KANSL1: variants seen among roughly 807,000 people sequenced by gnomAD.
The protein encoded by KANSL1 is MLL1/MLL complex subunit KANSL1.
In KANSL1, 22 loss-of-function variants were observed where a neutral mutation model predicts 103.6. The ratio of observed to expected loss-of-function variants is 0.21; its 90% CI spans 0.15 to 0.30. The LOEUF (loss-of-function observed/expected upper bound fraction) is 0.30. Ranked by LOEUF, KANSL1 falls within the 10% of genes least tolerant of loss-of-function variation. The pLI is 1.00. For synonymous variants in KANSL1, 600 were observed against 527.6 expected, an observed-to-expected ratio of 1.14 and a Z score of -1.88; for missense variants, 1,337 against 1,399.8, an observed-to-expected ratio of 0.96 and a Z score of 0.72.
chr17:46,033,622 A>T (rs2077071360), intron 11 of KANSL1, 162 bp from the exon 12 acceptor site: 1 of 649,080 alleles, frequency 1.5e-6, no homozygotes, highest in African/African-American at 1.8e-5. Context: ...TACCCTGTCA[A>T]GGCCTGTGAA....
intron 1 of KANSL1, among the ~76,000 whole-genome samples, chr17:46,189,132 G>T (rs2047184690): frequency 6.9e-6 from 1 of 145,498 alleles, no homozygotes; most frequent in Non-Finnish European, 1.5e-5. Context: ...AAGATCACTT[G>T]AGCCCCGGAG....
In KANSL1 at chr17:46,170,840, A is replaced by G. The variant is rs766824331; in HGVS notation, c.1289+15T>C. On this transcript the variant is annotated intron_variant, in intron 2 of 14. Transcript: ENST00000432791. ...ACATTTCTCAAGAATGCTATCATGC[A>G]TGAGGTCTACTCACAGGGGTACATG... 2.5e-6 allele frequency: 4 copies of G among 1,573,658 alleles called. No individual in the cohort carries two copies. The highest frequency in any genetic ancestry group is 3.9e-5 in the Admixed American group (2 of 51,526).
chr17:46,136,472 T>C (rs1225331675), intron 2 of KANSL1, among the ~76,000 whole-genome samples: 1 of 152,198 alleles, frequency 6.6e-6, no homozygotes, highest in Non-Finnish European at 1.5e-5. Context: ...CCCCTACAAA[T>C]GCTAAGGAGT....
At chr17:46,077,681 C>T (rs1030829715) in intron 4 of KANSL1, among the ~76,000 whole-genome samples, 1 of 152,132 alleles carries the variant, frequency 6.6e-6, no homozygotes, top group African/African-American at 2.4e-5. Context: ...CTTCAGCCTC[C>T]CGAGTAGCTG....
chr17:46,066,756 T>A, intron 5 of KANSL1, 24 bp from the exon 6 acceptor site: 1 of 1,546,788 alleles, frequency 6.5e-7, no homozygotes, highest in South Asian at 1.1e-5. Context: ...AGGAAGAGTA[T>A]TCTCAGAACA....
intron 2 of KANSL1, among the ~76,000 whole-genome samples, chr17:46,151,854 T>C (rs1289926212): frequency 6.6e-6 from 1 of 152,250 alleles, no homozygotes; most frequent in Non-Finnish European, 1.5e-5. Context: ...AAGGAAAATC[T>C]ACAGCTTTTC....
chr17:46,107,550 C>T (rs971181444), intron 2 of KANSL1, among the ~76,000 whole-genome samples: 1 of 152,224 alleles, frequency 6.6e-6, no homozygotes, highest in Non-Finnish European at 1.5e-5. Context: ...CCTTGTAAGA[C>T]TGCATATGCG....
upstream of KANSL1, chr17:46,223,926 ACAGTCCCCTTTAGAAAAGGG>A (rs2048606658): frequency 6.6e-6 from 1 of 151,094 alleles, no homozygotes; most frequent in Non-Finnish European, 1.5e-5. Context: ...TATAGAAAAT[ACAGTCCCCTTTAGAAAAGGG>A]CAAATGTGTG....
intron 2 of KANSL1, among the ~76,000 whole-genome samples, chr17:46,142,914 A>G (rs1846067093): frequency 6.6e-6 from 1 of 152,248 alleles, no homozygotes; most frequent in Non-Finnish European, 1.5e-5. Context: ...ACAAAAAGCA[A>G]AGCCTATGTG....
chr17:46,163,660 G>T (rs1271036197), intron 2 of KANSL1, among the ~76,000 whole-genome samples: 1 of 152,188 alleles, frequency 6.6e-6, no homozygotes, highest in Non-Finnish European at 1.5e-5. Context: ...AATGCTTCTG[G>T]TAACCATCTA....
In KANSL1 at chr17:46,104,936, C is replaced by G. The variant is rs369501082; in HGVS notation, c.1290-10235G>C. 1.4e-3 allele frequency among the ~76,000 whole-genome samples: 210 copies of G among 152,270 alleles called. 1 individual carries two copies. The highest frequency in any genetic ancestry group is 5.0e-3 in the African/African-American group (207 of 41,554). ...GTTCAAGCGAATCTCCTGCCTCAGC[C>G]TCCCAAGTAGCTGGGATTACAGGTG... is the stretch of plus-strand genomic sequence containing the variant. On this transcript the variant is annotated intron_variant, in intron 2 of 14. Coordinates refer to ENST00000432791, the MANE Select transcript of KANSL1 (RefSeq NM_015443.4).
At chr17:46,074,695 G>A (rs555153906) in intron 4 of KANSL1, among the ~76,000 whole-genome samples, 23 of 151,944 alleles carry the variant, frequency 1.5e-4, no homozygotes, top group Non-Finnish European at 2.4e-4. Flanking sequence ...CTGAGCCAGG[G>A]AGGTGAAGGC....
At chr17:46,094,385 C>G in intron 3 of KANSL1, 175 bp downstream of exon 3, 1 of 765,610 alleles carries the variant, frequency 1.3e-6, no homozygotes, top group East Asian at 3.0e-5. Context: ...GAGTGAGCCA[C>G]CACGCGCAGC....
chr17:46,095,813 C>A (rs62061795), intron 2 of KANSL1, among the ~76,000 whole-genome samples: 21,691 of 151,888 alleles, frequency 0.14, 2,119 homozygotes, highest in Non-Finnish European at 0.22. Flanking sequence ...TGTAACAGAA[C>A]TCTCAGAAAT....
intron 3 of KANSL1, chr17:46,094,100 G>C (rs1448663477): frequency 1.2e-5 from 2 of 163,632 alleles, no homozygotes. Context: ...TATTCTAATA[G>C]TGTTTTCCTT....
Position 46,171,229 on chromosome 17 carries a change from T to C in KANSL1, c.915A>G (p.Leu305=), listed in dbSNP as rs2147737191. Residue 305 remains leucine (L), a synonymous_variant, in exon 2 of 15, where the codon TTA becomes TTG. Coordinates refer to ENST00000432791, the MANE Select transcript of KANSL1 (RefSeq NM_015443.4). ...ESRARRLQKR[L]QVVQAKQVER... ...CAACCTGCTTGGCTTGCACAACCTG[T>C]AAGCGCTTTTGTAATCTGCGGGCAC... The C allele has an allele frequency of 6.2e-7, 1 of 1,614,116 alleles. No homozygotes were observed.
chr17:46,155,939 G>A (rs2045402763), intron 2 of KANSL1, among the ~76,000 whole-genome samples: 1 of 152,100 alleles, frequency 6.6e-6, no homozygotes, highest in Non-Finnish European at 1.5e-5. Context: ...TCTCTCAAAA[G>A]AAAACATACT....
At chr17:46,153,562 T>C (rs1404080448) in intron 2 of KANSL1, among the ~76,000 whole-genome samples, 1 of 152,192 alleles carries the variant, frequency 6.6e-6, no homozygotes, top group Non-Finnish European at 1.5e-5. Context: ...GACTTTTATG[T>C]AATAGGAACA....
rs765884482 is a variant in KANSL1 at position 46,034,257 on chromosome 17, T to C, written c.2570A>G (p.Glu857Gly). Reference sequence around the variant, plus strand: ...AATGTTGTTAATATCAAATGAGCTCTCTCCCCTTCTCCTCCTTACTGGCTG... The same window carrying C: ...AATGTTGTTAATATCAAATGAGCTCCCTCCCCTTCTCCTCCTTACTGGCTG... ...SQQPVRRRRG[E>G]SSFDINNIVI... is the part of the protein sequence containing the mutation. The change falls in exon 11 of 15, where the codon GAG becomes GGG. Residue 857 changes from glutamate to glycine, a missense_variant. By Grantham distance (98) the Glu-to-Gly change is moderately conservative. Transcript: ENST00000432791. The C allele has an allele frequency of 1.9e-6, 3 of 1,613,976 alleles. No homozygotes were observed. The highest frequency in any genetic ancestry group is 3.3e-5 in the Admixed American group (2 of 59,988).
Sources: allele counts gnomAD v4.1 joint callset (sites outside exome capture counted in the v4.1 genomes callset), GRCh38; gene constraint gnomAD v4.1.1; transcripts MANE v1.5; gene names NCBI Gene and HGNC (gene_info 2026-07-23, HGNC 2026-07-21).